ASAP3: variants seen among roughly 807,000 people sequenced by gnomAD.
ASAP3 encodes the protein arf-GAP with SH3 domain, ANK repeat and PH domain-containing protein 3.
Under a neutral mutation model 118.2 loss-of-function variants are expected in ASAP3, and 85 were observed. The ratio of observed to expected loss-of-function variants is 0.72; its 90% confidence interval spans 0.60 to 0.86. ASAP3 has a LOEUF of 0.86. Among genes scored for constraint, ASAP3 ranks in the 40% least tolerant of loss-of-function variants. The probability of loss-of-function intolerance (pLI) is 0.00; values close to 1 mark genes in which losing one functional copy is unlikely to be tolerated. For missense variants in ASAP3, 1,026 were observed against 1,175.0 expected (o/e 0.87, Z 1.85); for synonymous variants, 432 against 477.4 (o/e 0.90, Z 1.24).
rs1272559168 is a variant in ASAP3 at position 23,442,529 on chromosome 1, C to T, written c.557G>A (p.Arg186Gln). 5 of 1,614,052 alleles carry T rather than the reference C, an allele frequency of 3.1e-6. No homozygotes were observed. The highest frequency in any genetic ancestry group is 4.5e-5 in the East Asian group (2 of 44,874). The change falls in exon 6 of 25, where the codon CGG (arginine) becomes CAG (glutamine). Residue 186 changes from arginine to glutamine, a missense_variant. Coordinates refer to ENST00000336689, the MANE Select transcript of ASAP3 (RefSeq NM_017707.4). ...ACACATGTGCAGCTGGAAGATGCGC[C>T]GCTCTCTCTGCATGTCCTGGGCCAC... is the stretch of plus-strand genomic sequence containing the variant. Reference protein sequence around the residue: ...GEVAQDMQRERRIFQLHMCEY... With the variant: ...GEVAQDMQREQRIFQLHMCEY...
At chr1:23,476,033 G>A (rs540289660) in intron 1 of ASAP3, among the ~76,000 whole-genome samples, 25 of 151,828 alleles carry the variant, frequency 1.6e-4, no homozygotes, top group Non-Finnish European at 2.9e-4. Context: ...TCCCCTTCTC[G>A]GTATATGGCA....
intron 1 of ASAP3, among the ~76,000 whole-genome samples, chr1:23,470,805 G>A (rs1429637458): frequency 6.6e-6 from 1 of 152,226 alleles, no homozygotes; most frequent in African/African-American, 2.4e-5. Context: ...TGGGAAGCAG[G>A]GAGGAAGAGG....
intron 1 of ASAP3, among the ~76,000 whole-genome samples, chr1:23,482,378 C>T (rs999434205): frequency 2.0e-5 from 3 of 152,028 alleles, no homozygotes; most frequent in South Asian, 2.1e-4. Flanking sequence ...AAATATTAGC[C>T]GGGTGTGGTG....
chr1:23,474,063 G>A (rs1442599033), intron 1 of ASAP3, among the ~76,000 whole-genome samples: 1 of 142,466 alleles, frequency 7.0e-6, no homozygotes, highest in Non-Finnish European at 1.5e-5. Context: ...CACCTCCCGG[G>A]TTCAAGCAAT....
At chr1:23,441,857 G>C (rs1640884903) in intron 7 of ASAP3, 127 bp from the exon 8 acceptor site, 1 of 936,106 alleles carries the variant, frequency 1.1e-6, no homozygotes, top group African/African-American at 1.6e-5. Context: ...TGACGGTCAA[G>C]AACAGACACT....
At chr1:23,443,424 C>G (rs1570352897) in intron 5 of ASAP3, among the ~76,000 whole-genome samples, 1 of 152,154 alleles carries the variant, frequency 6.6e-6, no homozygotes, top group East Asian at 1.9e-4. Flanking sequence ...ATTGCTTACC[C>G]CCCTACTTAT....
At chr1:23,477,606 G>C (rs1642174319) in intron 1 of ASAP3, among the ~76,000 whole-genome samples, 1 of 152,102 alleles carries the variant, frequency 6.6e-6, no homozygotes, top group Non-Finnish European at 1.5e-5. Context: ...AAGATTCCCT[G>C]AAGAGATGAG....
chr1:23,444,175 TTC>T (rs1640970650), intron 5 of ASAP3, among the ~76,000 whole-genome samples: 1 of 152,226 alleles, frequency 6.6e-6, no homozygotes, highest in Admixed American at 6.5e-5. Flanking sequence ...CACCGTGCTC[TTC>T]TCTTTTTAAG....
chr1:23,432,339 A>G (rs1339063678), intron 22 of ASAP3, among the ~76,000 whole-genome samples: 1 of 152,008 alleles, frequency 6.6e-6, no homozygotes, highest in East Asian at 1.9e-4. Flanking sequence ...CCAATAGTCC[A>G]TTCCCCATCT....
chr1:23,441,469 T>C lies in ASAP3; in HGVS notation c.752A>G (p.His251Arg), dbSNP rs779724669. 29 of 1,614,072 alleles carry C rather than the reference T, an allele frequency of 1.8e-5. No individual in the cohort carries two copies. The highest frequency in any genetic ancestry group is 2.3e-5 in the Non-Finnish European group (27 of 1,180,006). The change falls in exon 9 of 25, where the codon CAT (histidine) becomes CGT (arginine). Residue 251 changes from histidine to arginine, a missense_variant. Physicochemically the swap from His to Arg is conservative, Grantham distance 29. Coordinates refer to ENST00000336689, the MANE Select transcript of ASAP3 (RefSeq NM_017707.4). ...EKLAASVHAL[H>R]QAQEDELQKL... ...CTGTAGCTCGTCCTCCTGGGCCTGA[T>C]GGAGCTATGGGACAGAGGATGGGAT...
intron 1 of ASAP3, among the ~76,000 whole-genome samples, chr1:23,458,908 C>T (rs1641477758): frequency 6.6e-6 from 1 of 152,036 alleles, no homozygotes. Flanking sequence ...CAGTGGCTCA[C>T]GCCTGTAATC....
Position 23,433,518 on chromosome 1 carries a change from C to A in ASAP3, c.2034G>T (p.Gln678His). Reference sequence around the variant, plus strand: ...GTAGAGGGAAGGCAAAGGTCCCCGCCTGGGCCTGCTCCAGCTGCCAAAAAC... The same window carrying A: ...GTAGAGGGAAGGCAAAGGTCCCCGCATGGGCCTGCTCCAGCTGCCAAAAAC... ...KECEELLEQAQAGTFAFPLHV... is the reference protein window; with the variant it reads ...KECEELLEQAHAGTFAFPLHV... Residue 678 changes from glutamine to histidine, a missense_variant, in exon 21 of 25, where the codon CAG becomes CAT. By Grantham distance (24) the Gln-to-His change is conservative. Coordinates refer to ENST00000336689, the MANE Select transcript of ASAP3 (RefSeq NM_017707.4). 1 of 1,614,186 alleles carries A rather than the reference C, an allele frequency of 6.2e-7. No homozygotes were observed. Among genetic ancestry groups the A allele is most frequent in the East Asian group, 2.2e-5 (1 of 44,880 alleles).
rs758256563 is a variant in ASAP3, at chr1:23,438,725, G to T, written c.1102+22C>A. 5.6e-6 allele frequency: 9 copies of T among 1,611,324 alleles called. No homozygotes were observed. The Admixed American group carries it at 1.5e-4, about 27-fold the overall frequency. On this transcript the variant is annotated intron_variant, in intron 12 of 24. Coordinates refer to ENST00000336689, the MANE Select transcript of ASAP3 (RefSeq NM_017707.4). This position sits in a 1 kb window ranked among gnomAD's most constrained non-coding sequence, Gnocchi z 4.9. ...AAGCCCTGAGCAGCTGTGGGTGGGG[G>T]AGAGGCACAGGGACCACTCACGGGT...
chr1:23,431,093 GC>G lies in ASAP3; in HGVS notation c.2578del (p.Ala860ArgfsTer131). The stretch of plus-strand genomic sequence containing the variant: ...TGAGGGACCATCTTCAGGGCTCCGC[GC>G]CCCCCGCCGATAGGAGCGAGTGCTC... ...SESTRSYRRG[A>X]RSPEDGPSAR... On this transcript the variant is annotated frameshift_variant, in exon 24 of 25. Transcript: ENST00000336689. LOFTEE classifies it high-confidence loss of function. 6.4e-7 allele frequency: 1 copy of G among 1,552,786 alleles called. No homozygotes were observed. Among genetic ancestry groups the G allele is most frequent in the African/African-American group, 1.4e-5 (1 of 73,502 alleles).
chr1:23,454,180 C>T (rs1207333033), intron 3 of ASAP3, among the ~76,000 whole-genome samples: 1 of 132,506 alleles, frequency 7.5e-6, no homozygotes, highest in African/African-American at 2.7e-5. Flanking sequence ...GCCCCCACAC[C>T]TGGCATTTTT....
chr1:23,483,064 C>G (rs12097018), intron 1 of ASAP3, among the ~76,000 whole-genome samples: 5,770 of 147,766 alleles, frequency 0.039, 142 homozygotes, highest in Middle Eastern at 0.14. Flanking sequence ...TGGAGGGTCA[C>G]CCTGACAAGA....
intron 5 of ASAP3, among the ~76,000 whole-genome samples, chr1:23,444,401 A>G (rs1640980551): frequency 6.6e-6 from 1 of 152,230 alleles, no homozygotes; most frequent in African/African-American, 2.4e-5. Flanking sequence ...TGTAAAGGAA[A>G]GGGCTTGCTT....
intron 1 of ASAP3, among the ~76,000 whole-genome samples, chr1:23,458,999 G>GT (rs1169101284): frequency 2.6e-5 from 4 of 151,894 alleles, no homozygotes; most frequent in Non-Finnish European, 4.4e-5. Context: ...GCGAAACACT[G>GT]TCTCTACTAA....
At chr1:23,435,074 C>G (rs193270555) in intron 17 of ASAP3, among the ~76,000 whole-genome samples, 1 of 152,340 alleles carries the variant, frequency 6.6e-6, no homozygotes, top group East Asian at 1.9e-4. Flanking sequence ...GTCACCCAAG[C>G]TGGAGAGCAG....
Sources: allele counts gnomAD v4.1 joint callset (sites outside exome capture counted in the v4.1 genomes callset), GRCh38; gene constraint gnomAD v4.1.1; non-coding constraint Gnocchi (gnomAD v3.1); transcripts MANE v1.5; gene names NCBI Gene and HGNC (gene_info 2026-07-23, HGNC 2026-07-21).